Variants in CNDP2 observed in about 807,000 individuals in gnomAD.
The protein encoded by CNDP2 is carnosine dipeptidase 2.
CNDP2 carries 38 observed loss-of-function variants against 55.0 expected under a neutral mutation model. That is an observed-to-expected ratio of 0.69 (90% CI 0.53 to 0.90). CNDP2 has a LOEUF of 0.90. Ranked by LOEUF, CNDP2 falls within the 40% of genes least tolerant of loss-of-function variation. The probability of loss-of-function intolerance (pLI) is 0.00; values close to 1 mark genes in which losing one functional copy is unlikely to be tolerated. For synonymous variants in CNDP2, 241 were observed against 260.2 expected, an observed-to-expected ratio of 0.93 and a Z score of 0.71; for missense variants, 607 against 621.7, an observed-to-expected ratio of 0.98 and a Z score of 0.25.
rs1980113818 is a variant in CNDP2 at position 74,522,566 on chromosome 18, G to T, written c.*2498G>T. The T allele has an allele frequency of 6.6e-6, 1 of 152,306 alleles. No homozygotes were observed. Among genetic ancestry groups the T allele is most frequent in the South Asian group, 2.1e-4 (1 of 4,832 alleles). The allele number at this position is 152,306 out of a possible 1,614,324, so 9.4% of individuals were successfully genotyped here. A position where few individuals can be genotyped will look rare whatever the true frequency, so the allele number is the denominator to read the frequency against. On this transcript the variant is annotated 3_prime_UTR_variant, in exon 12 of 12. Coordinates refer to ENST00000324262, the MANE Select transcript of CNDP2 (RefSeq NM_018235.3). Reference sequence around the variant, plus strand: ...CAGGCCATGAGGGCCCTGTCCTCCTGACTGAGTGAATGCTGTTATTGTAGG... The same window carrying T: ...CAGGCCATGAGGGCCCTGTCCTCCTTACTGAGTGAATGCTGTTATTGTAGG...
chr18:74,505,731 A>G (rs977336405), intron 3 of CNDP2, 118 bp from the exon 4 acceptor site: 5 of 1,094,732 alleles, frequency 4.6e-6, no homozygotes, highest in East Asian at 2.6e-5. Flanking sequence ...AAACTCTACA[A>G]TAGAGGTTGA....
chr18:74,508,852 G>T lies in CNDP2; in HGVS notation c.380G>T (p.Gly127Val). Residue 127 changes from glycine to valine, a missense_variant, in exon 5 of 12, where the codon GGG (glycine) becomes GTG (valine). Coordinates refer to ENST00000324262, the MANE Select transcript of CNDP2 (RefSeq NM_018235.3). The stretch of plus-strand genomic sequence containing the variant: ...ATTGCTGTTCTAGGCAAGCTGTATG[G>T]GAGAGGTTCGACTGATGATAAGGGC... ...TLVERDGKLY[G>V]RGSTDDKGPV... 1 of 1,614,032 alleles carries T rather than the reference G, an allele frequency of 6.2e-7. No homozygotes were observed. Among genetic ancestry groups the T allele is most frequent in the African/African-American group, 1.3e-5 (1 of 75,008 alleles).
intron 8 of CNDP2, among the ~76,000 whole-genome samples, chr18:74,514,000 A>G (rs1352730747): frequency 6.6e-6 from 1 of 152,200 alleles, no homozygotes; most frequent in Non-Finnish European, 1.5e-5. Flanking sequence ...TTGTGTTTAT[A>G]GAGTAACCTC....
Position 74,518,717 on chromosome 18 carries a change from C to T in CNDP2, c.1210+77C>T, listed in dbSNP as rs1256812908. ...ACAGGACTCTGCTATATCGCGTGGG[C>T]GTGTAGCTATGTCGGGGGCGCTGCT... is the stretch of plus-strand genomic sequence containing the variant. On this transcript the variant is annotated intron_variant, in intron 10 of 11. Transcript: ENST00000324262. 8 of 1,577,864 alleles carry T rather than the reference C, an allele frequency of 5.1e-6. No homozygotes were observed. The highest frequency in any genetic ancestry group is 2.2e-5 in the East Asian group (1 of 44,566).
intron 9 of CNDP2, 138 bp downstream of exon 9, chr18:74,516,530 A>T (rs1287257248): frequency 2.1e-5 from 17 of 818,450 alleles, no homozygotes; most frequent in Non-Finnish European, 1.9e-6. Context: ...GTCAGTAATT[A>T]TGACAGTCAC....
Position 74,518,571 on chromosome 18 carries a change from G to C in CNDP2, c.1141G>C (p.Gly381Arg). ...TGAGTTCAAGGTGTACATGGGCCAC[G>C]GTGGGAAGCCCTGGGTCTCCGACTT... Reference protein sequence around the residue: ...PNEFKVYMGHGGKPWVSDFSH... With the variant: ...PNEFKVYMGHRGKPWVSDFSH... The change falls in exon 10 of 12, where the codon GGT becomes CGT. Residue 381 changes from glycine (G) to arginine (R), a missense_variant. Physicochemically the swap from Gly to Arg is moderately radical, Grantham distance 125. Coordinates refer to ENST00000324262, the MANE Select transcript of CNDP2 (RefSeq NM_018235.3). 1 of 1,614,232 alleles carries C rather than the reference G, an allele frequency of 6.2e-7. No individual in the cohort carries two copies. Among genetic ancestry groups the C allele is most frequent in the Non-Finnish European group, 8.5e-7 (1 of 1,180,052 alleles).
intron 3 of CNDP2, among the ~76,000 whole-genome samples, chr18:74,501,780 G>A (rs564154749): frequency 1.3e-5 from 2 of 152,274 alleles, no homozygotes; most frequent in Admixed American, 6.5e-5. Flanking sequence ...CAATCCATAA[G>A]CTTTCAAACT....
intron 4 of CNDP2, 73 bp from the exon 5 acceptor site, chr18:74,508,767 T>C: frequency 8.1e-7 from 1 of 1,232,934 alleles, no homozygotes; most frequent in South Asian, 1.2e-5. Context: ...GGTTATCAGA[T>C]GTGCACCTGA....
In CNDP2 at chr18:74,511,029, G is replaced by C. The variant is rs868094700; in HGVS notation, c.657+16G>C. 3 of 1,606,460 alleles carry C rather than the reference G, an allele frequency of 1.9e-6. No homozygotes were observed. The highest frequency in any genetic ancestry group is 2.7e-5 in the African/African-American group (2 of 74,658). On this transcript the variant is annotated intron_variant, in intron 6 of 11. Coordinates refer to ENST00000324262, the MANE Select transcript of CNDP2 (RefSeq NM_018235.3). ...TTTCATCGAGGTACAGTGCCAAGCTGTACGGGTCACTTCTTTCTAACCCCT... is the reference window on the plus strand; with the variant it reads ...TTTCATCGAGGTACAGTGCCAAGCTCTACGGGTCACTTCTTTCTAACCCCT...
At position 74,522,142 on chromosome 18, in the gene CNDP2, A is replaced by G. The variant is rs889297306; in HGVS notation, c.*2074A>G. The G allele has an allele frequency of 9.2e-5, 14 of 152,228 alleles. No homozygotes were observed. Among genetic ancestry groups the G allele is most frequent in the Non-Finnish European group, 4.4e-5 (3 of 68,048 alleles). The allele number at this position is 152,228 out of a possible 1,614,324, so 9.4% of individuals were successfully genotyped here. A position where few individuals can be genotyped will look rare whatever the true frequency, so the allele number is the denominator to read the frequency against. ...ATAAGAGGTTAGCTGGGTGAAGTGT[A>G]TCTGGGGACCCTCTATGGCTTTTGC... is the stretch of plus-strand genomic sequence containing the variant. On this transcript the variant is annotated 3_prime_UTR_variant, in exon 12 of 12. Coordinates refer to ENST00000324262, the MANE Select transcript of CNDP2 (RefSeq NM_018235.3).
rs1212234798 is a variant in CNDP2 at position 74,501,408 on chromosome 18, T to C, written c.140T>C (p.Val47Ala). ...GGCGAAATCAGGAGGATGATGGAAG[T>C]TGCTGCTGCAGATGTTAAGCAGTTG... Reference protein sequence around the residue: ...KRGEIRRMMEVAAADVKQLGG... With the variant: ...KRGEIRRMMEAAAADVKQLGG... The change falls in exon 3 of 12, where the codon GTT becomes GCT. Residue 47 changes from valine (V) to alanine (A), a missense_variant. Val to Ala is a moderately conservative substitution (Grantham distance 64). Coordinates refer to ENST00000324262, the MANE Select transcript of CNDP2 (RefSeq NM_018235.3). 6.2e-7 allele frequency: 1 copy of C among 1,614,138 alleles called. No individual in the cohort carries two copies. Among genetic ancestry groups the C allele is most frequent in the Non-Finnish European group, 8.5e-7 (1 of 1,179,994 alleles).
At chr18:74,519,447 C>T (rs1206458657) in intron 11 of CNDP2, among the ~76,000 whole-genome samples, 3 of 152,176 alleles carry the variant, frequency 2.0e-5, no homozygotes, top group Non-Finnish European at 4.4e-5. Flanking sequence ...CTTGGGCGGA[C>T]GTGATGGGAA....
intron 8 of CNDP2, among the ~76,000 whole-genome samples, chr18:74,514,827 A>G (rs1450801690): frequency 6.6e-6 from 1 of 152,194 alleles, no homozygotes; most frequent in Non-Finnish European, 1.5e-5. Context: ...GAATTAAGCA[A>G]CTCAGCCCCT....
intron 2 of CNDP2, 111 bp downstream of exon 2, chr18:74,500,144 G>C: frequency 1.1e-6 from 1 of 886,692 alleles, no homozygotes; most frequent in Non-Finnish European, 1.8e-6. Context: ...AGGGTTAGAA[G>C]ATCTGCCTAG....
At chr18:74,511,142 C>T in intron 6 of CNDP2, 129 bp downstream of exon 6, 2 of 721,900 alleles carry the variant, frequency 2.8e-6, no homozygotes, top group Non-Finnish European at 4.5e-6. Context: ...CACTTAGTGC[C>T]CCAATTCCCA....
intron 1 of CNDP2, among the ~76,000 whole-genome samples, chr18:74,498,225 C>T (rs8085929): frequency 0.018 from 2,718 of 152,140 alleles, 65 homozygotes; most frequent in African/African-American, 0.06. Flanking sequence ...TCCTGAGCTG[C>T]GCTCACACAA....
chr18:74,518,579 G>T lies in CNDP2; in HGVS notation c.1149G>T (p.Lys383Asn). Residue 383 changes from lysine (K) to asparagine (N), a missense_variant, in exon 10 of 12, where the codon AAG (lysine) becomes AAT (asparagine). Coordinates refer to ENST00000324262, the MANE Select transcript of CNDP2 (RefSeq NM_018235.3). ...AGGTGTACATGGGCCACGGTGGGAA[G>T]CCCTGGGTCTCCGACTTCAGTCACC... ...EFKVYMGHGG[K>N]PWVSDFSHPH... 1.2e-6 allele frequency: 2 copies of T among 1,614,232 alleles called. No homozygotes were observed. Among genetic ancestry groups the T allele is most frequent in the Non-Finnish European group, 8.5e-7 (1 of 1,180,040 alleles).
chr18:74,506,296 G>C (rs1357758523), intron 4 of CNDP2, among the ~76,000 whole-genome samples: 1 of 152,054 alleles, frequency 6.6e-6, no homozygotes, highest in African/African-American at 2.4e-5. Context: ...CACCACGCCT[G>C]GCTAGTTTTT....
At chr18:74,500,626 A>G (rs1223337277) in intron 2 of CNDP2, among the ~76,000 whole-genome samples, 1 of 152,158 alleles carries the variant, frequency 6.6e-6, no homozygotes, top group East Asian at 1.9e-4. Context: ...ACCATGTGAC[A>G]TTTTTCTTTT....
Sources: gnomAD v4.1 joint callset for allele counts (sites outside exome capture counted in the v4.1 genomes callset) on GRCh38, gnomAD v4.1.1 for gene constraint, MANE v1.5 for transcripts, NCBI Gene and HGNC (gene_info 2026-07-23, HGNC 2026-07-21) for gene names.